DMD: variants seen among roughly 807,000 people sequenced by gnomAD.
DMD encodes the protein dystrophin, also known as mutant dystrophin.
DMD carries 63 observed loss-of-function variants against 330.1 expected under a neutral mutation model. The observed-to-expected ratio is 0.19, with a 90% CI of 0.16 to 0.24. DMD has a LOEUF of 0.24. Among genes scored for constraint, DMD ranks in the 10% least tolerant of loss-of-function variants. DMD has a pLI of 1.00. For missense variants in DMD, 3,344 were observed against 2,684.1 expected (o/e 1.25, Z -5.43); for synonymous variants, 1,223 against 959.8 (o/e 1.27, Z -5.07).
chrX:32,767,088 C>T (rs192589811), intron 7 of DMD, among the ~76,000 whole-genome samples: 4 of 110,986 alleles, frequency 3.6e-5, no homozygotes, highest in Admixed American at 1.9e-4. Flanking sequence ...AAAGCAACAC[C>T]GCTAACATTA....
At chrX:33,116,381 C>A (rs960861635) in intron 1 of DMD, among the ~76,000 whole-genome samples, 1 of 109,622 alleles carries the variant, frequency 9.1e-6, no homozygotes, top group African/African-American at 3.3e-5. Flanking sequence ...TGTGGTGGAG[C>A]GCTGGTAGTC....
At chrX:32,995,180 TTAA>T (rs2093085192) in intron 2 of DMD, among the ~76,000 whole-genome samples, 1 of 112,698 alleles carries the variant, frequency 8.9e-6, no homozygotes, top group Non-Finnish European at 1.9e-5. Context: ...TGCTTGACAC[TTAA>T]TAAAGGCTAG....
At chrX:32,242,962 A>G (rs1034968461) in intron 43 of DMD, among the ~76,000 whole-genome samples, 1 of 80,476 alleles carries the variant, frequency 1.2e-5, no homozygotes, top group Non-Finnish European at 2.5e-5. Context: ...AAAGGAACAG[A>G]AGGAAAGGAA....
intron 17 of DMD, among the ~76,000 whole-genome samples, chrX:32,542,735 C>T (rs941028888): frequency 5.4e-5 from 6 of 111,979 alleles, no homozygotes; most frequent in African/African-American, 1.9e-4. Flanking sequence ...AAGATTCCAC[C>T]CTGTAGACAA....
rs774864489 is a variant in DMD, at chrX:33,139,681, G to T, written c.31+71601C>A. ...CCTGCCCTGGCCACATGACATGCTTGCTCCCCCTTCATTTCCACCATGATT... is the reference window on the plus strand; with the variant it reads ...CCTGCCCTGGCCACATGACATGCTTTCTCCCCCTTCATTTCCACCATGATT... On this transcript the variant is annotated intron_variant, in intron 1 of 78. Transcript: ENST00000357033. Among the ~76,000 whole-genome samples, 133 of 109,241 alleles carry T rather than the reference G, an allele frequency of 1.2e-3. 1 individual carries two copies. The highest frequency in any genetic ancestry group is 4.2e-3 in the African/African-American group (124 of 29,846). The allele number at this position is 109,241 out of a possible 115,157, so 94.9% of individuals were successfully genotyped here. A position where few individuals can be genotyped will look rare whatever the true frequency, so the allele number is the denominator to read the frequency against.
intron 11 of DMD, among the ~76,000 whole-genome samples, chrX:32,625,474 T>C (rs1250473248): frequency 8.9e-6 from 1 of 112,066 alleles, no homozygotes; most frequent in Non-Finnish European, 1.9e-5. Flanking sequence ...TGAATCCTTA[T>C]TTGCAAGTAC....
chrX:31,586,484 T>C (rs981045196), intron 55 of DMD, among the ~76,000 whole-genome samples: 14 of 112,999 alleles, frequency 1.2e-4, no homozygotes, highest in African/African-American at 4.5e-4. Context: ...AGACTTCTTG[T>C]AATGAGAAGG....
chrX:33,077,092 A>G (rs112101130), intron 1 of DMD, among the ~76,000 whole-genome samples: 1,457 of 111,182 alleles, frequency 0.013, 32 homozygotes, highest in African/African-American at 0.046. Context: ...CATCAAGTGC[A>G]GGGTCTGCAA....
chrX:31,760,594 T>C (rs745680923), intron 51 of DMD, among the ~76,000 whole-genome samples: 3 of 111,874 alleles, frequency 2.7e-5, no homozygotes, highest in South Asian at 7.5e-4. Flanking sequence ...AGATGTATAG[T>C]AGGATGTACC....
intron 60 of DMD, among the ~76,000 whole-genome samples, chrX:31,349,682 G>A (rs756911050): frequency 3.2e-4 from 36 of 111,377 alleles, no homozygotes; most frequent in Middle Eastern, 4.7e-3. Context: ...ATAATTTTAC[G>A]GGTGACATGC....
chrX:32,235,417 C>T (rs1165055716), intron 43 of DMD, among the ~76,000 whole-genome samples: 1 of 111,337 alleles, frequency 9.0e-6, no homozygotes, highest in Non-Finnish European at 1.9e-5. Context: ...TTCCCTAGCC[C>T]GCTGCTGCTC....
intron 34 of DMD, among the ~76,000 whole-genome samples, chrX:32,368,306 T>A (rs1486571533): frequency 9.1e-6 from 1 of 110,346 alleles, no homozygotes; most frequent in Admixed American, 9.7e-5. Context: ...CAATTTGATA[T>A]CATACTAGAA....
intron 7 of DMD, among the ~76,000 whole-genome samples, chrX:32,802,903 G>A (rs766433221): frequency 9.5e-4 from 106 of 111,835 alleles, no homozygotes; most frequent in Admixed American, 1.6e-3. Flanking sequence ...TCACATTGAT[G>A]TTCATCAGGG....
At chrX:31,545,914 C>T (rs1159628628) in intron 55 of DMD, among the ~76,000 whole-genome samples, 2 of 111,910 alleles carry the variant, frequency 1.8e-5, no homozygotes, top group African/African-American at 6.5e-5. Flanking sequence ...ATCTTCACTG[C>T]GGATACAAAG....
intron 52 of DMD, among the ~76,000 whole-genome samples, chrX:31,724,410 T>TA (rs1569298229): frequency 8.9e-6 from 1 of 112,226 alleles, no homozygotes; most frequent in African/African-American, 3.2e-5. Flanking sequence ...TGTTTTTTTT[T>TA]ATTCTCATAC....
At chrX:32,672,863 G>A (rs185898657) in intron 9 of DMD, among the ~76,000 whole-genome samples, 147 of 111,036 alleles carry the variant, frequency 1.3e-3, no homozygotes, top group Non-Finnish European at 2.3e-3. Context: ...ATACGGAGCT[G>A]CAGTGTGATG....
chrX:31,328,461 C>T (rs2148337465), intron 61 of DMD, among the ~76,000 whole-genome samples: 1 of 111,047 alleles, frequency 9.0e-6, no homozygotes, highest in East Asian at 2.8e-4. Flanking sequence ...CTCACACTCT[C>T]CTCTTCCCCT....
intron 41 of DMD, among the ~76,000 whole-genome samples, chrX:32,336,206 G>A (rs948073534): frequency 7.3e-5 from 8 of 109,988 alleles, no homozygotes; most frequent in Non-Finnish European, 7.6e-5. Context: ...ATATATACAT[G>A]ACATGTTATA....
At chrX:32,778,008 T>A (rs967304644) in intron 7 of DMD, among the ~76,000 whole-genome samples, 1 of 111,850 alleles carries the variant, frequency 8.9e-6, no homozygotes, top group Non-Finnish European at 1.9e-5. Flanking sequence ...AACTGATATA[T>A]GTCTGAATAT....
Sources: allele counts gnomAD v4.1 joint callset (sites outside exome capture counted in the v4.1 genomes callset), GRCh38; gene constraint gnomAD v4.1.1; transcripts MANE v1.5; gene names NCBI Gene and HGNC (gene_info 2026-07-23, HGNC 2026-07-21).